EFCAB11: variants seen among roughly 807,000 people sequenced by gnomAD.
EFCAB11 encodes EF-hand calcium-binding domain-containing protein 11.
EFCAB11 carries 14 observed loss-of-function variants against 23.0 expected under a neutral mutation model. The ratio of observed to expected loss-of-function variants is 0.61; its 90% CI spans 0.40 to 0.95. The LOEUF (loss-of-function observed/expected upper bound fraction) is 0.95, where lower values mean the gene tolerates loss of function less well. EFCAB11 is among the 40% of genes least tolerant of loss of function. The pLI is 0.00. For synonymous variants in EFCAB11, 65 were observed against 66.6 expected (o/e 0.98, Z 0.11); for missense variants, 198 against 195.8 (o/e 1.01, Z -0.07).
In EFCAB11 at chr14:89,868,379, CT is replaced by C. The variant is rs1439744124; in HGVS notation, c.410+63161del. Among the ~76,000 whole-genome samples the C allele has an allele frequency of 2.6e-5, 4 of 152,214 alleles. No homozygotes were observed. In the East Asian group the frequency reaches 7.7e-4, roughly 29 times the overall value. On this transcript the variant is annotated intron_variant, in intron 5 of 5. Transcript: ENST00000316738. ...CTATTACGTACAGGACTATGTGGTC[CT>C]CAGAAAGAGTTTATAAAGATACAAA...
chr14:89,813,523 T>TTTTTG (rs930346524), intron 5 of EFCAB11, among the ~76,000 whole-genome samples: 56 of 152,154 alleles, frequency 3.7e-4, no homozygotes, highest in Non-Finnish European at 2.2e-4. Context: ...TTGGTTTGTT[T>TTTTTG]TTTTGTTTTG....
intron 5 of EFCAB11, among the ~76,000 whole-genome samples, chr14:89,928,873 A>G (rs1890284995): frequency 1.4e-5 from 2 of 147,138 alleles, no homozygotes; most frequent in South Asian, 4.2e-4. Flanking sequence ...CTATAATTAT[A>G]TATTACATAT....
chr14:89,924,450 G>A, intron 5 of EFCAB11: 2 of 1,362,252 alleles, frequency 1.5e-6, no homozygotes, highest in Non-Finnish European at 1.9e-6. Context: ...GGAAGCAAAA[G>A]CAGCTTCCCA....
chr14:89,939,202 CTCA>C (rs1160343486), intron 3 of EFCAB11, among the ~76,000 whole-genome samples: 3 of 152,004 alleles, frequency 2.0e-5, no homozygotes, highest in Non-Finnish European at 2.9e-5. Flanking sequence ...CTTCCCAGCT[CTCA>C]TCATGCCAGC....
At chr14:89,863,530 G>A (rs780185566) in intron 5 of EFCAB11, among the ~76,000 whole-genome samples, 2 of 152,122 alleles carry the variant, frequency 1.3e-5, no homozygotes, top group Admixed American at 1.3e-4. Context: ...TTGTTGGTTT[G>A]CCTGCTGGCA....
intron 2 of EFCAB11, chr14:89,952,661 CAGTA>C (rs1314673149): frequency 1.0e-5 from 10 of 962,192 alleles, no homozygotes; most frequent in Non-Finnish European, 9.9e-6. Flanking sequence ...CACAACTTCA[CAGTA>C]AGTATGTTCT....
chr14:89,811,740 G>A (rs768115200), intron 5 of EFCAB11, among the ~76,000 whole-genome samples: 75 of 152,150 alleles, frequency 4.9e-4, no homozygotes, highest in Non-Finnish European at 7.9e-4. Flanking sequence ...ATGTGGCCCT[G>A]CTGACACCTG....
intron 5 of EFCAB11, among the ~76,000 whole-genome samples, chr14:89,843,033 A>G (rs556088717): frequency 9.9e-5 from 15 of 152,214 alleles, no homozygotes; most frequent in Admixed American, 2.0e-4. Flanking sequence ...TATGGGACTT[A>G]TCTATTTAGC....
chr14:89,942,313 C>T (rs966742579), intron 3 of EFCAB11, among the ~76,000 whole-genome samples: 11 of 152,146 alleles, frequency 7.2e-5, no homozygotes, highest in Non-Finnish European at 1.6e-4. Flanking sequence ...CACAGATCTG[C>T]ATGATAACTG....
intron 5 of EFCAB11, among the ~76,000 whole-genome samples, chr14:89,907,412 G>A (rs1451030402): frequency 6.6e-6 from 1 of 152,116 alleles, no homozygotes; most frequent in Admixed American, 6.5e-5. Flanking sequence ...GCAGTATGAG[G>A]TTTTTGATAT....
intron 5 of EFCAB11, chr14:89,830,835 G>A (rs1886859335): frequency 6.6e-6 from 1 of 152,138 alleles, no homozygotes; most frequent in Non-Finnish European, 1.5e-5. Context: ...TAGTGGCTAT[G>A]GTTGTAAACA....
intron 5 of EFCAB11, among the ~76,000 whole-genome samples, chr14:89,867,363 C>T (rs1375592369): frequency 6.6e-6 from 1 of 152,182 alleles, no homozygotes; most frequent in Non-Finnish European, 1.5e-5. Flanking sequence ...CTCCCCAAAC[C>T]TCACCTCAAC....
intron 5 of EFCAB11, among the ~76,000 whole-genome samples, chr14:89,801,598 C>G (rs1432464460): frequency 6.6e-6 from 1 of 152,212 alleles, no homozygotes; most frequent in Non-Finnish European, 1.5e-5. Context: ...TCAGATGACA[C>G]AGGATACATT....
At chr14:89,824,869 C>A (rs189634330) in intron 5 of EFCAB11, among the ~76,000 whole-genome samples, 2 of 151,798 alleles carry the variant, frequency 1.3e-5, no homozygotes, top group Non-Finnish European at 2.9e-5. Context: ...AGCAAAACAT[C>A]GAGAGAACTA....
chr14:89,799,006 C>T (rs1423272122), intron 5 of EFCAB11, among the ~76,000 whole-genome samples: 1 of 152,170 alleles, frequency 6.6e-6, no homozygotes, highest in African/African-American at 2.4e-5. Flanking sequence ...CGAGGCTGGT[C>T]TCGAACTCCT....
At chr14:89,919,206 GAGA>G (rs1411502109) in intron 5 of EFCAB11, among the ~76,000 whole-genome samples, 1 of 76,224 alleles carries the variant, frequency 1.3e-5, no homozygotes, top group African/African-American at 2.1e-4. Flanking sequence ...GAGAGAGACA[GAGA>G]GAGAGAGAGA....
At chr14:89,891,198 G>A (rs1229146221) in intron 5 of EFCAB11, among the ~76,000 whole-genome samples, 1 of 152,128 alleles carries the variant, frequency 6.6e-6, no homozygotes, top group African/African-American at 2.4e-5. Flanking sequence ...TTCAAGGTCG[G>A]TGAGCTCCAG....
intron 2 of EFCAB11, among the ~76,000 whole-genome samples, chr14:89,953,669 T>C (rs928616834): frequency 2.0e-5 from 3 of 152,244 alleles, no homozygotes; most frequent in African/African-American, 7.2e-5. Context: ...CTTGTATTTA[T>C]AGTAGTTATT....
chr14:89,832,061 C>T (rs1886904492), intron 5 of EFCAB11, among the ~76,000 whole-genome samples: 1 of 152,062 alleles, frequency 6.6e-6, no homozygotes, highest in South Asian at 2.1e-4. Flanking sequence ...ACCTGTAATC[C>T]CAGCACTTTA....
Sources: allele counts gnomAD v4.1 joint callset (sites outside exome capture counted in the v4.1 genomes callset), GRCh38; gene constraint gnomAD v4.1.1; transcripts MANE v1.5; gene names NCBI Gene and HGNC (gene_info 2026-07-23, HGNC 2026-07-21).